NCKAP5: variants seen among roughly 807,000 people sequenced by gnomAD.
NCKAP5 encodes the protein nck-associated protein 5.
Under a neutral mutation model 167.0 loss-of-function variants are expected in NCKAP5, and 92 were observed. That is an observed-to-expected ratio of 0.55 (90% confidence interval 0.47 to 0.66). The LOEUF (loss-of-function observed/expected upper bound fraction) is 0.66, where lower values mean the gene tolerates loss of function less well. NCKAP5 is among the 30% of genes least tolerant of loss of function. The probability of loss-of-function intolerance (pLI) is 0.00; values close to 1 mark genes in which losing one functional copy is unlikely to be tolerated. For synonymous variants in NCKAP5, 891 were observed against 877.4 expected (o/e 1.02, Z -0.27); for missense variants, 2,378 against 2,315.0 (o/e 1.03, Z -0.56).
the NCKAP5 span, among the ~76,000 whole-genome samples, chr2:133,630,358 T>C: frequency 6.6e-6 from 1 of 152,274 alleles, no homozygotes; most frequent in Non-Finnish European, 1.5e-5. Context: ...ATTTCTTCTT[T>C]GAAGTGAATA....
rs1403707124 is a variant in NCKAP5, at chr2:132,790,157, C to A, written c.958G>T (p.Ala320Ser). 4 of 1,613,582 alleles carry A rather than the reference C, an allele frequency of 2.5e-6. No homozygotes were observed. Among genetic ancestry groups the A allele is most frequent in the Non-Finnish European group, 3.4e-6 (4 of 1,179,766 alleles). ...KSALKCPGLG[A>S]VIPGHLCPRN... Reference sequence around the variant, plus strand: ...GGACAGAGATGACCAGGGATGACAGCCCCCAAGCCAGGGCATTTCAAGGCC... The same window carrying A: ...GGACAGAGATGACCAGGGATGACAGACCCCAAGCCAGGGCATTTCAAGGCC... The change falls in exon 13 of 20, where the codon GCT becomes TCT. Residue 320 changes from alanine to serine, a missense_variant. Ala to Ser is a moderately conservative substitution (Grantham distance 99). Transcript: ENST00000409261.
chr2:132,966,253 C>T (rs995265346), intron 7 of NCKAP5, among the ~76,000 whole-genome samples: 1 of 152,104 alleles, frequency 6.6e-6, no homozygotes, highest in Non-Finnish European at 1.5e-5. Flanking sequence ...GCACCTACCA[C>T]CATGGCCAGC....
chr2:133,114,928 G>A, intron 6 of NCKAP5, among the ~76,000 whole-genome samples: 1 of 152,170 alleles, frequency 6.6e-6, no homozygotes, highest in East Asian at 1.9e-4. Context: ...CACTATTTCT[G>A]ATGCACTATT....
At chr2:132,959,343 C>T (rs1236317690) in intron 8 of NCKAP5, among the ~76,000 whole-genome samples, 3 of 152,010 alleles carry the variant, frequency 2.0e-5, no homozygotes, top group African/African-American at 7.3e-5. Flanking sequence ...TTCCTAGAAG[C>T]GGCCAAGTTC....
chr2:133,660,868 T>C, the NCKAP5 span, among the ~76,000 whole-genome samples: 6 of 151,912 alleles, frequency 3.9e-5, no homozygotes, highest in Non-Finnish European at 7.4e-5. Flanking sequence ...GAACTTTCCT[T>C]GGCACCTTCT....
chr2:133,470,707 C>G (rs140867794), intron 3 of NCKAP5, among the ~76,000 whole-genome samples: 2,337 of 152,376 alleles, frequency 0.015, 49 homozygotes, highest in Admixed American at 0.052. Context: ...AGGATATAAT[C>G]TCGTGGTGCG....
At chr2:133,074,822 T>C (rs1436582018) in intron 6 of NCKAP5, among the ~76,000 whole-genome samples, 1 of 152,124 alleles carries the variant, frequency 6.6e-6, no homozygotes, top group Non-Finnish European at 1.5e-5. Flanking sequence ...AAAAAGAATA[T>C]GGTCTCAGAG....
At chr2:132,836,625 A>T (rs1191302519) in intron 11 of NCKAP5, among the ~76,000 whole-genome samples, 4 of 152,000 alleles carry the variant, frequency 2.6e-5, no homozygotes, top group African/African-American at 9.7e-5. Context: ...GATTTGTGAG[A>T]TCCTGGTGCA....
intron 6 of NCKAP5, among the ~76,000 whole-genome samples, chr2:133,126,197 C>T (rs1359963178): frequency 6.6e-6 from 1 of 152,168 alleles, no homozygotes; most frequent in African/African-American, 2.4e-5. Context: ...CTTCATTCTC[C>T]GCTTCTCCCT....
At chr2:133,375,959 G>A (rs1418785085) in intron 3 of NCKAP5, among the ~76,000 whole-genome samples, 1 of 152,142 alleles carries the variant, frequency 6.6e-6, no homozygotes, top group Non-Finnish European at 1.5e-5. Context: ...AGGAAAGAGA[G>A]GGCTTCAGAG....
intron 3 of NCKAP5, among the ~76,000 whole-genome samples, chr2:133,304,005 A>G (rs1277585894): frequency 6.6e-6 from 1 of 152,146 alleles, no homozygotes; most frequent in Non-Finnish European, 1.5e-5. Context: ...CTGCTTCTAC[A>G]TTATAGCAGC....
chr2:133,470,073 G>C (rs1438365039), intron 3 of NCKAP5, among the ~76,000 whole-genome samples: 5 of 152,044 alleles, frequency 3.3e-5, no homozygotes, highest in Non-Finnish European at 2.9e-5. Context: ...TTCCTTTGGA[G>C]GAGGAGAGGT....
intron 6 of NCKAP5, among the ~76,000 whole-genome samples, chr2:133,080,816 T>C (rs2080778284): frequency 6.6e-6 from 1 of 152,066 alleles, no homozygotes; most frequent in Non-Finnish European, 1.5e-5. Flanking sequence ...AGTCGAGTAC[T>C]GTAATGAAGT....
At position 132,958,926 on chromosome 2, in the gene NCKAP5, A is replaced by G. The variant is rs187844922; in HGVS notation, c.579+4794T>C. Among the ~76,000 whole-genome samples, 21 of 151,578 alleles carry G rather than the reference A, an allele frequency of 1.4e-4. No individual in the cohort carries two copies. In the East Asian group the frequency reaches 3.9e-3, roughly 28 times the overall value. ...GTTTGCTTATTTATTATTTCATTTA[A>G]GTATATGCTTCCTGTGTCTGCCCAC... On this transcript the variant is annotated intron_variant, in intron 8 of 19. Transcript: ENST00000409261.
intron 3 of NCKAP5, among the ~76,000 whole-genome samples, chr2:133,373,684 A>G (rs1685954725): frequency 6.6e-6 from 1 of 152,262 alleles, no homozygotes; most frequent in Admixed American, 6.5e-5. Flanking sequence ...GACTCAAATC[A>G]GGACCTTGTG....
intron 11 of NCKAP5, among the ~76,000 whole-genome samples, chr2:132,845,808 G>A (rs1441215519): frequency 6.6e-6 from 1 of 152,118 alleles, no homozygotes. Flanking sequence ...AGCTTGACAA[G>A]TCCCATAAAA....
intron 6 of NCKAP5, among the ~76,000 whole-genome samples, chr2:133,056,369 A>G (rs2079801621): frequency 1.3e-5 from 2 of 152,078 alleles, no homozygotes; most frequent in Non-Finnish European, 2.9e-5. Context: ...ATATTTTTCT[A>G]TTGCTCTCCA....
At chr2:133,646,659 A>G in the NCKAP5 span, among the ~76,000 whole-genome samples, 1 of 152,170 alleles carries the variant, frequency 6.6e-6, no homozygotes, top group African/African-American at 2.4e-5. Context: ...AAAGTATGGA[A>G]CTCATGAGTA....
intron 11 of NCKAP5, among the ~76,000 whole-genome samples, chr2:132,797,974 G>A (rs1684735970): frequency 6.6e-6 from 1 of 152,092 alleles, no homozygotes; most frequent in Non-Finnish European, 1.5e-5. Flanking sequence ...TCCTGCAAGG[G>A]TAAAGGTATT....
Sources: allele counts gnomAD v4.1 joint callset (sites outside exome capture counted in the v4.1 genomes callset), GRCh38; gene constraint gnomAD v4.1.1; transcripts MANE v1.5; gene names NCBI Gene and HGNC (gene_info 2026-07-23, HGNC 2026-07-21).